The following SHISA9 variants were observed in gnomAD, a reference collection of about 807,000 sequenced individuals.
SHISA9 encodes protein shisa-9.
A neutral mutation model predicts 38.0 loss-of-function variants in SHISA9; 13 were observed. The observed-to-expected ratio is 0.34, with a 90% confidence interval of 0.22 to 0.54. SHISA9 has a LOEUF of 0.54. Ranked by LOEUF, SHISA9 falls within the 20% of genes least tolerant of loss-of-function variation. SHISA9 has a pLI of 0.91. For synonymous variants in SHISA9, 275 were observed against 242.0 expected (o/e 1.14, Z -1.27); for missense variants, 538 against 575.8 (o/e 0.93, Z 0.67).
intron 4 of SHISA9, among the ~76,000 whole-genome samples, chr16:13,229,328 G>A (rs528000950): frequency 3.7e-4 from 56 of 152,300 alleles, no homozygotes; most frequent in South Asian, 1.4e-3. Context: ...TAAATGCCAC[G>A]GGAGGAGCTT....
the SHISA9 span, among the ~76,000 whole-genome samples, chr16:13,416,233 C>T: frequency 6.6e-6 from 1 of 152,214 alleles, no homozygotes; most frequent in East Asian, 1.9e-4. Context: ...TAGTAGGTGA[C>T]ATTTACCATT....
At chr16:13,063,329 G>A (rs1342388161) in intron 2 of SHISA9, among the ~76,000 whole-genome samples, 1 of 151,926 alleles carries the variant, frequency 6.6e-6, no homozygotes, top group Non-Finnish European at 1.5e-5. Flanking sequence ...TCTGTAAAAC[G>A]GGTTTAATGA....
intron 2 of SHISA9, among the ~76,000 whole-genome samples, chr16:13,187,653 AG>A (rs2050840746): frequency 6.6e-6 from 1 of 151,980 alleles, no homozygotes; most frequent in Non-Finnish European, 1.5e-5. Flanking sequence ...GAACTTTTGA[AG>A]GTCTAGAAAA....
At chr16:13,091,903 G>A (rs905718418) in intron 2 of SHISA9, among the ~76,000 whole-genome samples, 1 of 152,174 alleles carries the variant, frequency 6.6e-6, no homozygotes, top group Non-Finnish European at 1.5e-5. Context: ...AGAATTTTCA[G>A]CTTTTCTGCT....
At chr16:13,256,441 C>G in the SHISA9 span, among the ~76,000 whole-genome samples, 1 of 152,174 alleles carries the variant, frequency 6.6e-6, no homozygotes, top group South Asian at 2.1e-4. Flanking sequence ...GCCACCATGC[C>G]CCACTAATTT....
At chr16:13,439,994 T>C in the SHISA9 span, among the ~76,000 whole-genome samples, 1 of 152,194 alleles carries the variant, frequency 6.6e-6, no homozygotes, top group Non-Finnish European at 1.5e-5. Flanking sequence ...ACTGAGTTAA[T>C]ACTCAGGCAG....
chr16:13,112,876 C>CT (rs1313808328), intron 2 of SHISA9, among the ~76,000 whole-genome samples: 1 of 151,928 alleles, frequency 6.6e-6, no homozygotes, highest in Non-Finnish European at 1.5e-5. Context: ...ATTAGGGTCT[C>CT]TTTTTACCCT....
intron 2 of SHISA9, among the ~76,000 whole-genome samples, chr16:13,143,024 A>ATTTTATTTTATTTTATTTTATTTT (rs1567226044): frequency 1.5e-4 from 23 of 151,494 alleles, no homozygotes; most frequent in South Asian, 6.3e-4. Context: ...ATTTTATTTT[A>ATTTTATTTTATTTTATTTTATTTT]AGACAGAGTT....
chr16:12,955,716 A>G (rs529150868), intron 2 of SHISA9, among the ~76,000 whole-genome samples: 2 of 152,242 alleles, frequency 1.3e-5, no homozygotes, highest in African/African-American at 2.4e-5. Flanking sequence ...GCAGAAAAAT[A>G]AAACTGACAT....
chr16:13,476,893 C>T, the SHISA9 span, among the ~76,000 whole-genome samples: 1,099 of 151,942 alleles, frequency 7.2e-3, 8 homozygotes, highest in Middle Eastern at 0.028. Flanking sequence ...GGACTACAGG[C>T]GCCCACCACC....
intron 2 of SHISA9, among the ~76,000 whole-genome samples, chr16:13,093,160 C>A (rs182510248): frequency 6.6e-6 from 1 of 152,104 alleles, no homozygotes; most frequent in Admixed American, 6.6e-5. Context: ...CATGGGGCAG[C>A]CAGTTCAAGT....
chr16:13,182,533 T>C (rs928972), intron 2 of SHISA9, among the ~76,000 whole-genome samples: 83,082 of 152,110 alleles, frequency 0.55, 23,900 homozygotes, highest in African/African-American at 0.74. Flanking sequence ...TGGCCTCAGT[T>C]GTAGTAAATG....
At chr16:12,999,751 A>G (rs1596574412) in intron 2 of SHISA9, among the ~76,000 whole-genome samples, 2 of 152,144 alleles carry the variant, frequency 1.3e-5, no homozygotes, top group African/African-American at 4.8e-5. Flanking sequence ...TAGTTTGGGA[A>G]CTGTGGAATT....
the SHISA9 span, among the ~76,000 whole-genome samples, chr16:13,516,262 G>A: frequency 6.6e-6 from 1 of 152,186 alleles, no homozygotes; most frequent in African/African-American, 2.4e-5. Context: ...CACACAGGCA[G>A]GATTCCTGTC....
At chr16:13,045,251 T>TCA (rs374112481) in intron 2 of SHISA9, among the ~76,000 whole-genome samples, 218 of 152,344 alleles carry the variant, frequency 1.4e-3, no homozygotes, top group African/African-American at 5.0e-3. Flanking sequence ...TCTAAGTAGC[T>TCA]CACACATATT....
chr16:13,484,517 C>A, the SHISA9 span, among the ~76,000 whole-genome samples: 2 of 152,186 alleles, frequency 1.3e-5, no homozygotes, highest in African/African-American at 4.8e-5. Context: ...ATGCTTCCAG[C>A]CAGCCCTCAG....
chr16:13,506,478 G>A, the SHISA9 span, among the ~76,000 whole-genome samples: 1 of 152,156 alleles, frequency 6.6e-6, no homozygotes, highest in East Asian at 1.9e-4. Flanking sequence ...AGTGTGATGA[G>A]GAGGACGGGG....
chr16:12,988,904 A>G (rs542194269), intron 2 of SHISA9, among the ~76,000 whole-genome samples: 1 of 152,302 alleles, frequency 6.6e-6, no homozygotes, highest in East Asian at 1.9e-4. Context: ...GTAAGTATTC[A>G]CCTGAGTACT....
the SHISA9 span, among the ~76,000 whole-genome samples, chr16:13,272,474 C>CA: frequency 6.6e-6 from 1 of 152,034 alleles, no homozygotes; most frequent in Non-Finnish European, 1.5e-5. Context: ...GCCATCCTCC[C>CA]ACCTCGACCT....
Sources: allele counts gnomAD v4.1 joint callset (sites outside exome capture counted in the v4.1 genomes callset), GRCh38; gene constraint gnomAD v4.1.1; transcripts MANE v1.5; gene names NCBI Gene and HGNC (gene_info 2026-07-23, HGNC 2026-07-21).